GBE1: variants seen among roughly 807,000 people sequenced by gnomAD.
GBE1 encodes 1,4-alpha-glucan branching enzyme 1.
Under a neutral mutation model 88.8 loss-of-function variants are expected in GBE1, and 70 were observed. The observed-to-expected ratio is 0.79, with a 90% CI of 0.65 to 0.96. GBE1 has a LOEUF of 0.96. Among genes scored for constraint, GBE1 ranks in the 40% least tolerant of loss-of-function variants. The probability of loss-of-function intolerance (pLI) is 0.00; values close to 1 mark genes in which losing one functional copy is unlikely to be tolerated. For synonymous variants in GBE1, 284 were observed against 300.1 expected (o/e 0.95, Z 0.56); for missense variants, 872 against 871.0 (o/e 1.00, Z -0.01).
At chr3:81,549,362 C>T (rs1576144382) in intron 12 of GBE1, among the ~76,000 whole-genome samples, 1 of 151,492 alleles carries the variant, frequency 6.6e-6, no homozygotes, top group East Asian at 1.9e-4. Flanking sequence ...CAGTTATTTG[C>T]ATAAGTGCAA....
At chr3:81,654,220 C>T (rs1179669515) in intron 3 of GBE1, among the ~76,000 whole-genome samples, 1 of 151,922 alleles carries the variant, frequency 6.6e-6, no homozygotes, top group Non-Finnish European at 1.5e-5. Flanking sequence ...GTGTAAAAGT[C>T]AAATTAACTT....
chr3:81,706,743 T>TA, intron 1 of GBE1, among the ~76,000 whole-genome samples: 1 of 151,884 alleles, frequency 6.6e-6, no homozygotes, highest in African/African-American at 2.4e-5. Context: ...TAATTAAAAA[T>TA]AAACTCAAAA....
intron 3 of GBE1, among the ~76,000 whole-genome samples, chr3:81,665,137 G>A (rs1343600157): frequency 6.6e-6 from 1 of 151,936 alleles, no homozygotes; most frequent in African/African-American, 2.4e-5. Flanking sequence ...AATTTCTGTG[G>A]GTTGAAGTAG....
chr3:81,562,910 G>A (rs1220996777), intron 12 of GBE1, among the ~76,000 whole-genome samples: 1 of 151,452 alleles, frequency 6.6e-6, no homozygotes, highest in Non-Finnish European at 1.5e-5. Flanking sequence ...GGATGGAGAA[G>A]TAAGGACTCA....
At chr3:81,501,066 G>T (rs940891668) in intron 14 of GBE1, among the ~76,000 whole-genome samples, 1 of 152,086 alleles carries the variant, frequency 6.6e-6, no homozygotes, top group Non-Finnish European at 1.5e-5. Flanking sequence ...CAGGCAGTTT[G>T]CCCAGTAACA....
At chr3:81,540,864 A>C (rs760100831) in intron 12 of GBE1, among the ~76,000 whole-genome samples, 56 of 152,126 alleles carry the variant, frequency 3.7e-4, no homozygotes, top group Non-Finnish European at 4.1e-4. Context: ...TCACCTTGCA[A>C]AGCCTCTGAA....
intron 14 of GBE1, among the ~76,000 whole-genome samples, chr3:81,518,154 T>G (rs545158135): frequency 6.6e-6 from 1 of 151,478 alleles, no homozygotes; most frequent in Non-Finnish European, 1.5e-5. Context: ...TCTTTAAAGG[T>G]TATGACAATA....
chr3:81,649,957 C>T (rs1203231709), intron 3 of GBE1, 36 bp from the exon 4 acceptor site: 1 of 1,539,538 alleles, frequency 6.5e-7, no homozygotes, highest in South Asian at 1.1e-5. Flanking sequence ...CTTTAAAATA[C>T]ATCCAGAACT....
chr3:81,513,568 C>CAA lies in GBE1; in HGVS notation c.1935-14343_1935-14342dup, dbSNP rs900831748. On this transcript the variant is annotated intron_variant, in intron 14 of 15. Transcript: ENST00000429644. The stretch of plus-strand genomic sequence containing the variant: ...AAAGGTGTTTATTGTTTTGTTCCCC[C>CAA]AAAAAAAAAACAAAAAACAAAAAGT... Among the ~76,000 whole-genome samples, 308 of 135,562 alleles carry CAA rather than the reference C, an allele frequency of 2.3e-3. 1 individual carries two copies. The highest frequency in any genetic ancestry group is 7.9e-3 in the African/African-American group (296 of 37,274). 88.9% of individuals were successfully genotyped at this position (135,562 alleles called of 152,430 possible). A position where few individuals can be genotyped will look rare whatever the true frequency, so the allele number is the denominator to read the frequency against.
intron 1 of GBE1, among the ~76,000 whole-genome samples, chr3:81,723,383 G>A (rs778822006): frequency 9.2e-5 from 14 of 151,398 alleles, no homozygotes; most frequent in South Asian, 2.1e-4. Context: ...TTACAGGTGT[G>A]AGCCACTGCG....
chr3:81,609,939 C>T (rs1704157292), intron 7 of GBE1, among the ~76,000 whole-genome samples: 2 of 151,914 alleles, frequency 1.3e-5, no homozygotes, highest in Admixed American at 1.3e-4. Context: ...TATTCACAGC[C>T]AGTTACAAGA....
chr3:81,593,782 C>T, intron 8 of GBE1, 126 bp downstream of exon 8: 3 of 565,344 alleles, frequency 5.3e-6, no homozygotes, highest in Non-Finnish European at 9.5e-6. Flanking sequence ...TACCTTTTGC[C>T]AAAATGGGAT....
chr3:81,646,374 A>G lies in GBE1; in HGVS notation c.782+18T>C. The G allele has an allele frequency of 2.7e-6, 4 of 1,473,808 alleles. No homozygotes were observed. The highest frequency in any genetic ancestry group is 1.9e-5 in the Admixed American group (1 of 51,934). The allele number at this position is 1,473,808 out of a possible 1,614,324, so 91.3% of individuals were successfully genotyped here. ...TTGGCTCAAAATAAAAATGAACACA[A>G]TGAGTCTCTGATTTTACCTGGAAGC... On this transcript the variant is annotated intron_variant, in intron 6 of 15. Coordinates refer to ENST00000429644, the MANE Select transcript of GBE1 (RefSeq NM_000158.4).
intron 15 of GBE1, among the ~76,000 whole-genome samples, chr3:81,497,795 T>C (rs574189666): frequency 6.6e-6 from 1 of 152,292 alleles, no homozygotes; most frequent in South Asian, 2.1e-4. Context: ...AGCTGAATCA[T>C]CTTTCCTAAC....
At chr3:81,639,469 G>A (rs1231905443) in intron 7 of GBE1, among the ~76,000 whole-genome samples, 1 of 151,850 alleles carries the variant, frequency 6.6e-6, no homozygotes, top group Non-Finnish European at 1.5e-5. Flanking sequence ...AATTTGTAAA[G>A]TAGCATATTC....
intron 3 of GBE1, among the ~76,000 whole-genome samples, chr3:81,664,336 T>C (rs1705078880): frequency 6.6e-6 from 1 of 150,802 alleles, no homozygotes; most frequent in African/African-American, 2.4e-5. Context: ...AAGGTTCACA[T>C]GAGCAAAGCT....
chr3:81,694,603 G>A (rs1705566740), intron 2 of GBE1, among the ~76,000 whole-genome samples: 2 of 152,178 alleles, frequency 1.3e-5, no homozygotes, highest in Admixed American at 6.5e-5. Context: ...AATGTGGAGA[G>A]TACGGCAGAG....
At chr3:81,599,755 T>G (rs965424396) in intron 7 of GBE1, among the ~76,000 whole-genome samples, 1 of 152,138 alleles carries the variant, frequency 6.6e-6, no homozygotes, top group African/African-American at 2.4e-5. Flanking sequence ...GTTTAAAAAA[T>G]TCTACCTTAT....
intron 7 of GBE1, among the ~76,000 whole-genome samples, chr3:81,621,377 A>T (rs1704331392): frequency 6.6e-6 from 1 of 152,200 alleles, no homozygotes; most frequent in Admixed American, 6.5e-5. Context: ...GTATATGAAA[A>T]TGTAAGGGAA....
Sources: gnomAD v4.1 joint callset for allele counts (sites outside exome capture counted in the v4.1 genomes callset) on GRCh38, gnomAD v4.1.1 for gene constraint, MANE v1.5 for transcripts, NCBI Gene and HGNC (gene_info 2026-07-23, HGNC 2026-07-21) for gene names.